Variants in ADAMTS17 observed in about 807,000 individuals in gnomAD.
ADAMTS17 encodes ADAM metallopeptidase with thrombospondin type 1 motif 17.
ADAMTS17 carries 113 observed loss-of-function variants against 141.5 expected under a neutral mutation model. That is an observed-to-expected ratio of 0.80 (90% CI 0.69 to 0.93). The LOEUF (loss-of-function observed/expected upper bound fraction) is 0.93. Ranked by LOEUF, ADAMTS17 falls within the 40% of genes least tolerant of loss-of-function variation. The pLI, the probability that ADAMTS17 is intolerant of heterozygous loss-of-function variation, is 0.00. For synonymous variants in ADAMTS17, 768 were observed against 630.6 expected (o/e 1.22, Z -3.27); for missense variants, 1,659 against 1,517.9 (o/e 1.09, Z -1.54).
intron 3 of ADAMTS17, among the ~76,000 whole-genome samples, chr15:100,324,073 G>A (rs2045822617): frequency 6.6e-6 from 1 of 151,802 alleles, no homozygotes; most frequent in Admixed American, 6.6e-5. Context: ...GGGAGGCCGA[G>A]GCAGGCAGAT....
intron 10 of ADAMTS17, among the ~76,000 whole-genome samples, chr15:100,134,248 G>A (rs925267269): frequency 3.3e-5 from 5 of 152,230 alleles, no homozygotes; most frequent in African/African-American, 1.2e-4. Flanking sequence ...GCCGACAGCA[G>A]TCACTTACTC....
chr15:100,007,747 C>T (rs369641882), intron 18 of ADAMTS17, among the ~76,000 whole-genome samples: 3 of 151,990 alleles, frequency 2.0e-5, no homozygotes, highest in Admixed American at 6.6e-5. Flanking sequence ...GAGGGGCTAC[C>T]GGGTGCAGTG....
chr15:100,149,992 T>C (rs934979857), intron 10 of ADAMTS17, among the ~76,000 whole-genome samples: 2 of 152,196 alleles, frequency 1.3e-5, no homozygotes, highest in East Asian at 1.9e-4. Flanking sequence ...AAGGGGACTG[T>C]CATTCCATCA....
At chr15:100,047,077 G>GC (rs768291688) in intron 18 of ADAMTS17, among the ~76,000 whole-genome samples, 2 of 151,792 alleles carry the variant, frequency 1.3e-5, no homozygotes, top group Admixed American at 6.6e-5. Flanking sequence ...CTCTAAAATG[G>GC]CCCCCCTGGG....
rs550942864 is a variant in ADAMTS17 at position 100,317,816 on chromosome 15, T to C, written c.616+13073A>G. Among the ~76,000 whole-genome samples, 38 of 152,300 alleles carry C rather than the reference T, an allele frequency of 2.5e-4. 1 individual carries two copies. Among genetic ancestry groups the C allele is most frequent in the African/African-American group, 7.9e-4 (33 of 41,566 alleles). ...TCTGCCATGGGTGCCTTGCTGGGCA[T>C]AAAGCTGGGCACAGCCACCATTCCT... is the stretch of plus-strand genomic sequence containing the variant. On this transcript the variant is annotated intron_variant, in intron 3 of 21. Coordinates refer to ENST00000268070, the MANE Select transcript of ADAMTS17 (RefSeq NM_139057.4).
At chr15:100,268,671 T>G (rs535105011) in intron 4 of ADAMTS17, among the ~76,000 whole-genome samples, 1 of 152,312 alleles carries the variant, frequency 6.6e-6, no homozygotes, top group South Asian at 2.1e-4. Context: ...CCTTATAGAT[T>G]CTGGATGTTA....
Position 99,993,276 on chromosome 15 carries a change from A to G in ADAMTS17, c.2797-76T>C. The stretch of plus-strand genomic sequence containing the variant: ...CATCAACAGCTATTAACTCCCTCCA[A>G]TGTGCCAGGTGCGGTGTGGGGATGA... On this transcript the variant is annotated intron_variant, in intron 19 of 21. Coordinates refer to ENST00000268070, the MANE Select transcript of ADAMTS17 (RefSeq NM_139057.4). This position sits in a 1 kb window ranked among gnomAD's most constrained non-coding sequence, Gnocchi z 4.3. 6.4e-7 allele frequency: 1 copy of G among 1,569,576 alleles called. No individual in the cohort carries two copies. The highest frequency in any genetic ancestry group is 8.7e-7 in the Non-Finnish European group (1 of 1,143,792).
At chr15:100,096,232 C>T in intron 15 of ADAMTS17, 124 bp downstream of exon 15, 1 of 1,503,174 alleles carries the variant, frequency 6.7e-7, no homozygotes, top group Non-Finnish European at 9.0e-7. Context: ...AACTGAAGTT[C>T]CAGGTCACCT....
At chr15:100,262,482 T>A (rs1567449919) in intron 4 of ADAMTS17, 47 bp from the exon 5 acceptor site, 1 of 1,498,448 alleles carries the variant, frequency 6.7e-7, no homozygotes, top group South Asian at 1.2e-5. Flanking sequence ...TAAAAAATTT[T>A]AAAAATACAG....
chr15:100,008,904 T>C (rs1394249859), intron 18 of ADAMTS17, among the ~76,000 whole-genome samples: 1 of 152,010 alleles, frequency 6.6e-6, no homozygotes, highest in Admixed American at 6.6e-5. Context: ...AGTGGTGCAA[T>C]CTTGGCTCAC....
chr15:100,055,828 T>C (rs75313689), intron 15 of ADAMTS17, among the ~76,000 whole-genome samples: 148 of 152,324 alleles, frequency 9.7e-4, no homozygotes, highest in African/African-American at 3.5e-3. Flanking sequence ...ACCCATTTAA[T>C]CTTCTCAACA....
At chr15:100,289,939 G>A (rs1041808096) in intron 3 of ADAMTS17, among the ~76,000 whole-genome samples, 10 of 152,072 alleles carry the variant, frequency 6.6e-5, no homozygotes, top group African/African-American at 9.7e-5. Flanking sequence ...AAAGCATTCC[G>A]CTTGAGAACT....
intron 4 of ADAMTS17, among the ~76,000 whole-genome samples, chr15:100,272,958 C>T (rs12148806): frequency 0.68 from 103,580 of 151,826 alleles, 36,668 homozygotes; most frequent in East Asian, 0.95. Context: ...TGATCATTTT[C>T]TCTTTTCATT....
At chr15:100,098,698 A>G (rs2035916087) in intron 14 of ADAMTS17, among the ~76,000 whole-genome samples, 1 of 151,984 alleles carries the variant, frequency 6.6e-6, no homozygotes, top group Admixed American at 6.6e-5. Flanking sequence ...AAGAATAAAG[A>G]GTAGCCAAGA....
intron 3 of ADAMTS17, among the ~76,000 whole-genome samples, chr15:100,302,064 T>G (rs2045059211): frequency 6.6e-6 from 1 of 152,206 alleles, no homozygotes; most frequent in Non-Finnish European, 1.5e-5. Context: ...TGCAATCACT[T>G]TCCATTTTCC....
chr15:100,227,434 C>A (rs1285988220), intron 7 of ADAMTS17, among the ~76,000 whole-genome samples: 8 of 151,814 alleles, frequency 5.3e-5, no homozygotes, highest in African/African-American at 1.7e-4. Flanking sequence ...ACCCACTTTT[C>A]TTTATCTCCC....
At chr15:100,221,452 A>G (rs1169277732) in intron 7 of ADAMTS17, among the ~76,000 whole-genome samples, 2 of 152,226 alleles carry the variant, frequency 1.3e-5, no homozygotes, top group Non-Finnish European at 2.9e-5. Context: ...ATATGTGAAT[A>G]AAGTTGTTCT....
chr15:100,021,666 A>C (rs2141448173), intron 18 of ADAMTS17, among the ~76,000 whole-genome samples: 1 of 152,300 alleles, frequency 6.6e-6, no homozygotes, highest in African/African-American at 2.4e-5. Flanking sequence ...GTGCCACCCA[A>C]GGACTGCAGC....
intron 20 of ADAMTS17, among the ~76,000 whole-genome samples, chr15:99,984,312 G>C (rs1367167011): frequency 6.6e-6 from 1 of 152,186 alleles, no homozygotes; most frequent in Admixed American, 6.5e-5. Context: ...GCTGTTCCCT[G>C]TGGGTAACTT....
Sources: allele counts gnomAD v4.1 joint callset (sites outside exome capture counted in the v4.1 genomes callset), GRCh38; gene constraint gnomAD v4.1.1; non-coding constraint Gnocchi (gnomAD v3.1); transcripts MANE v1.5; gene names NCBI Gene and HGNC (gene_info 2026-07-23, HGNC 2026-07-21).